The following GXYLT2 variants were observed in gnomAD, a reference collection of about 807,000 sequenced individuals.
GXYLT2 encodes the protein glycosyltransferase 8 domain containing 4.
GXYLT2 carries 53 observed loss-of-function variants against 45.8 expected under a neutral mutation model. The ratio of observed to expected loss-of-function variants is 1.16; its 90% CI spans 0.93 to 1.46. The LOEUF is 1.46. Among genes scored for constraint, GXYLT2 ranks in the 40% most tolerant of loss-of-function variants. The pLI is 0.00. For missense variants in GXYLT2, 551 were observed against 544.4 expected (o/e 1.01, Z -0.12); for synonymous variants, 219 against 214.2 (o/e 1.02, Z -0.19).
Position 72,888,255 on chromosome 3 carries a change from G to A in GXYLT2, c.22G>A (p.Ala8Thr). The A allele has an allele frequency of 3.0e-6, 3 of 993,970 alleles. No individual in the cohort carries two copies. Among genetic ancestry groups the A allele is most frequent in the Non-Finnish European group, 2.4e-6 (2 of 838,428 alleles). 61.6% of individuals were successfully genotyped at this position (993,970 alleles called of 1,614,324 possible). The change falls in exon 1 of 7, where the codon GCG becomes ACG. Residue 8 changes from alanine (A) to threonine (T), a missense_variant. By Grantham distance (58) the Ala-to-Thr change is moderately conservative. Coordinates refer to ENST00000389617, the MANE Select transcript of GXYLT2 (RefSeq NM_001080393.2). ...CACCATGAAGCTCCGCAGCAAGGCG[G>A]CGGCGCTGCTCTTGCTCGCGCTGGC... MKLRSKAAALLLLALAAL... is the reference protein window; with the variant it reads MKLRSKATALLLLALAAL...
At chr3:72,916,613 C>T (rs1255867277) in intron 2 of GXYLT2, among the ~76,000 whole-genome samples, 1 of 152,086 alleles carries the variant, frequency 6.6e-6, no homozygotes, top group African/African-American at 2.4e-5. Context: ...GATCTCCACT[C>T]ACTGCAACCT....
intron 3 of GXYLT2, among the ~76,000 whole-genome samples, chr3:72,946,433 G>T (rs9759084): frequency 0.62 from 94,000 of 151,388 alleles, 30,402 homozygotes; most frequent in South Asian, 0.75. Flanking sequence ...AGTTCAGGCG[G>T]CAAGAACACA....
Position 72,890,031 on chromosome 3 carries a change from GTGCCTCAGCC to G in GXYLT2, c.275+1528_275+1537del, listed in dbSNP as rs879772973. Among the ~76,000 whole-genome samples, 55 of 149,758 alleles carry G rather than the reference GTGCCTCAGCC, an allele frequency of 3.7e-4. No individual in the cohort carries two copies. In the South Asian group the frequency reaches 4.0e-3, roughly 11 times the overall value. ...GGCCTCCCAGATTCAAGTGATTCTT[GTGCCTCAGCC>G]TGCCAGGTAGCTGGCAAACAGGCGT... is the stretch of plus-strand genomic sequence containing the variant. On this transcript the variant is annotated intron_variant, in intron 1 of 6. Coordinates refer to ENST00000389617, the MANE Select transcript of GXYLT2 (RefSeq NM_001080393.2).
At position 72,975,573 on chromosome 3, in the gene GXYLT2, T is replaced by G. The variant is rs2101614; in HGVS notation, c.*414T>G. 0.73 allele frequency: 113,712 copies of G among 156,594 alleles called. 41,768 individuals carry two copies. Among genetic ancestry groups the G allele is most frequent in the African/African-American group, 0.81 (33,957 of 41,684 alleles). The allele number at this position is 156,594 out of a possible 1,614,324, so 9.7% of individuals were successfully genotyped here. On this transcript the variant is annotated 3_prime_UTR_variant, in exon 7 of 7. Transcript: ENST00000389617. ...CGTGTTATAAAAGTAATACACACTT[T>G]TGAAACAGAGAGACACACTTGTAGA...
intron 3 of GXYLT2, among the ~76,000 whole-genome samples, chr3:72,934,165 T>C (rs1710133528): frequency 6.7e-6 from 1 of 148,676 alleles, no homozygotes. Context: ...TATTGAAGCC[T>C]CAACCTCCTC....
chr3:72,908,553 T>C lies in GXYLT2; in HGVS notation c.462T>C (p.Asp154=). ...AAGACTCTCTGAAGCCCGAGTTTGATAAGCAGGTGAATTTGCAGAAATCAT... is the reference window on the plus strand; with the variant it reads ...AAGACTCTCTGAAGCCCGAGTTTGACAAGCAGGTGAATTTGCAGAAATCAT... ...FTEDSLKPEF[D]KQLRQWPDSY... is the part of the protein sequence containing the mutation. Residue 154 remains aspartate, a synonymous_variant, in exon 2 of 7, where the codon GAT becomes GAC. Coordinates refer to ENST00000389617, the MANE Select transcript of GXYLT2 (RefSeq NM_001080393.2). 1 of 1,609,216 alleles carries C rather than the reference T, an allele frequency of 6.2e-7. No individual in the cohort carries two copies. The highest frequency in any genetic ancestry group is 2.2e-5 in the East Asian group (1 of 44,846).
Position 72,888,370 on chromosome 3 carries a change from AC to A in GXYLT2, c.141del (p.Ala48ArgfsTer102), listed in dbSNP as rs1709107546. On this transcript the variant is annotated frameshift_variant, in exon 1 of 7. Coordinates refer to ENST00000389617, the MANE Select transcript of GXYLT2 (RefSeq NM_001080393.2). LOFTEE classifies it high-confidence loss of function. ...CGCCCCGCGTCCGCCCCGCAGCGCC[AC>A]CCCGCGCCTGTCCCCGCGCGCTGGC... is the stretch of plus-strand genomic sequence containing the variant. ...PARPASAPQR[H>X]PAPVPARWPG... The A allele has an allele frequency of 2.0e-6, 2 of 981,746 alleles. No individual in the cohort carries two copies. The highest frequency in any genetic ancestry group is 3.6e-5 in the African/African-American group (2 of 55,946). The allele number at this position is 981,746 out of a possible 1,614,324, so 60.8% of individuals were successfully genotyped here.
rs1227334459 is a variant in GXYLT2, at chr3:72,975,191, T to C, written c.*32T>C. The C allele has an allele frequency of 1.9e-6, 3 of 1,554,822 alleles. No individual in the cohort carries two copies. Among genetic ancestry groups the C allele is most frequent in the Non-Finnish European group, 2.6e-6 (3 of 1,132,854 alleles). On this transcript the variant is annotated 3_prime_UTR_variant, in exon 7 of 7. Coordinates refer to ENST00000389617, the MANE Select transcript of GXYLT2 (RefSeq NM_001080393.2). Reference sequence around the variant, plus strand: ...TGTCTTGTTGCAAGTCAATTAGGTGTCTTGTGACCAAGGAAATACTAATCT... The same window carrying C: ...TGTCTTGTTGCAAGTCAATTAGGTGCCTTGTGACCAAGGAAATACTAATCT...
At chr3:72,951,493 T>A (rs2107137311) in intron 3 of GXYLT2, among the ~76,000 whole-genome samples, 1 of 152,294 alleles carries the variant, frequency 6.6e-6, no homozygotes, top group South Asian at 2.1e-4. Context: ...ACTTCGTGGG[T>A]TTCATTTCAC....
chr3:72,906,189 C>T (rs1026819761), intron 1 of GXYLT2, among the ~76,000 whole-genome samples: 1 of 152,098 alleles, frequency 6.6e-6, no homozygotes, highest in African/African-American at 2.4e-5. Flanking sequence ...ACATGAAAAC[C>T]CAACCATGAA....
At chr3:72,915,741 C>T (rs892652998) in intron 2 of GXYLT2, among the ~76,000 whole-genome samples, 16 of 151,596 alleles carry the variant, frequency 1.1e-4, no homozygotes, top group African/African-American at 3.9e-4. Context: ...GAGGCTGAGG[C>T]AGAATTGCTT....
At chr3:72,905,573 CAG>C (rs1709495198) in intron 1 of GXYLT2, among the ~76,000 whole-genome samples, 1 of 152,144 alleles carries the variant, frequency 6.6e-6, no homozygotes, top group South Asian at 2.1e-4. Context: ...TTTCAATAAA[CAG>C]AGCTGCTGTG....
chr3:72,937,874 A>G (rs1710221137), intron 3 of GXYLT2, among the ~76,000 whole-genome samples: 1 of 152,166 alleles, frequency 6.6e-6, no homozygotes, highest in Non-Finnish European at 1.5e-5. Flanking sequence ...AGTTTTCCAT[A>G]TCCTACCATC....
chr3:72,947,774 C>T (rs1443762806), intron 3 of GXYLT2, among the ~76,000 whole-genome samples: 1 of 152,008 alleles, frequency 6.6e-6, no homozygotes, highest in Non-Finnish European at 1.5e-5. Flanking sequence ...GCACTTCCAG[C>T]CTGGGCAACA....
intron 3 of GXYLT2, chr3:72,928,971 T>C: frequency 1.4e-5 from 13 of 919,268 alleles, no homozygotes; most frequent in Non-Finnish European, 2.1e-5. Context: ...CACCGCGCCC[T>C]CGGTACCGCC....
chr3:72,905,834 G>T (rs1387661753), intron 1 of GXYLT2, among the ~76,000 whole-genome samples: 1 of 152,062 alleles, frequency 6.6e-6, no homozygotes, highest in Non-Finnish European at 1.5e-5. Flanking sequence ...TTGCCAATCT[G>T]AAAATAAAAA....
intron 1 of GXYLT2, among the ~76,000 whole-genome samples, chr3:72,889,183 G>A (rs1422420849): frequency 1.3e-5 from 2 of 152,106 alleles, no homozygotes; most frequent in Non-Finnish European, 2.9e-5. Flanking sequence ...CCTAACACGC[G>A]GAGGCTTTTC....
chr3:72,929,668 G>T, intron 3 of GXYLT2: 1 of 705,956 alleles, frequency 1.4e-6, no homozygotes, highest in East Asian at 2.5e-5. Context: ...GCATGTTGGG[G>T]TTTCCTTTAC....
intron 1 of GXYLT2, among the ~76,000 whole-genome samples, chr3:72,905,242 C>G (rs1709489582): frequency 6.6e-6 from 1 of 152,036 alleles, no homozygotes; most frequent in Non-Finnish European, 1.5e-5. Flanking sequence ...CTCAGCCTCC[C>G]AAGTAGCTGG....
Sources: gnomAD v4.1 joint callset for allele counts (sites outside exome capture counted in the v4.1 genomes callset) on GRCh38, gnomAD v4.1.1 for gene constraint, MANE v1.5 for transcripts, NCBI Gene and HGNC (gene_info 2026-07-23, HGNC 2026-07-21) for gene names.